The following NUDT3 variants were observed in gnomAD, a reference collection of about 807,000 sequenced individuals.
NUDT3 encodes the protein diphosphoinositol polyphosphate phosphohydrolase 1.
A neutral mutation model predicts 23.6 loss-of-function variants in NUDT3; 9 were observed. The ratio of observed to expected loss-of-function variants is 0.38; its 90% CI spans 0.23 to 0.66. The LOEUF (loss-of-function observed/expected upper bound fraction) is 0.66. Ranked by LOEUF, NUDT3 falls within the 30% of genes least tolerant of loss-of-function variation. The pLI, the probability that NUDT3 is intolerant of heterozygous loss-of-function variation, is 0.52. For missense variants in NUDT3, 172 were observed against 218.5 expected (o/e 0.79, Z 1.34); for synonymous variants, 86 against 82.6 (o/e 1.04, Z -0.22).
At chr6:34,312,978 C>T (rs536486108) in intron 2 of NUDT3, among the ~76,000 whole-genome samples, 2 of 151,888 alleles carry the variant, frequency 1.3e-5, no homozygotes, top group Admixed American at 6.6e-5. Context: ...ACCAGCCTGG[C>T]CAACATGGCG....
intron 2 of NUDT3, among the ~76,000 whole-genome samples, chr6:34,319,253 C>T (rs1300640970): frequency 2.0e-5 from 3 of 152,084 alleles, no homozygotes; most frequent in Non-Finnish European, 2.9e-5. Flanking sequence ...ATCTATCTAC[C>T]GGAAGACAGC....
intron 3 of NUDT3, among the ~76,000 whole-genome samples, chr6:34,294,537 G>A (rs931207709): frequency 6.6e-6 from 1 of 151,506 alleles, no homozygotes; most frequent in African/African-American, 2.4e-5. Flanking sequence ...GACCAGCCTG[G>A]CCAACATGGT....
chr6:34,344,988 T>C (rs1764342521), intron 1 of NUDT3, among the ~76,000 whole-genome samples: 1 of 152,060 alleles, frequency 6.6e-6, no homozygotes, highest in Admixed American at 6.6e-5. Context: ...GTATGTTACA[T>C]GAATTCCATT....
intron 1 of NUDT3, among the ~76,000 whole-genome samples, chr6:34,374,148 C>T (rs1476631854): frequency 5.1e-5 from 6 of 118,600 alleles, no homozygotes; most frequent in African/African-American, 1.4e-4. Flanking sequence ...CAGAACAAGG[C>T]TCCCTCTCAA....
chr6:34,390,617 T>C (rs967664322), intron 1 of NUDT3, among the ~76,000 whole-genome samples: 4 of 152,186 alleles, frequency 2.6e-5, no homozygotes, highest in African/African-American at 4.8e-5. Context: ...CTTGGTCTCC[T>C]GAAGTGCTAG....
intron 1 of NUDT3, among the ~76,000 whole-genome samples, 200 bp downstream of exon 1, chr6:34,392,064 C>T (rs1240264880): frequency 1.3e-5 from 2 of 152,192 alleles, no homozygotes; most frequent in Non-Finnish European, 2.9e-5. Flanking sequence ...CCTGTGCAGC[C>T]GCACTCAAAC....
chr6:34,340,662 G>T (rs1250221534), intron 2 of NUDT3, among the ~76,000 whole-genome samples: 1 of 152,124 alleles, frequency 6.6e-6, no homozygotes, highest in Non-Finnish European at 1.5e-5. Flanking sequence ...TCTATACTCT[G>T]ACAATTTCCA....
chr6:34,387,906 T>C (rs1258732756), intron 1 of NUDT3, among the ~76,000 whole-genome samples: 2 of 152,184 alleles, frequency 1.3e-5, no homozygotes, highest in Non-Finnish European at 2.9e-5. Context: ...GTTTCTGTAG[T>C]GTACAGTAAT....
chr6:34,374,031 C>T (rs927155164), intron 1 of NUDT3, among the ~76,000 whole-genome samples: 1 of 151,750 alleles, frequency 6.6e-6, no homozygotes, highest in African/African-American at 2.4e-5. Context: ...GTGGCATGCA[C>T]CTGTAGTCCC....
intron 1 of NUDT3, among the ~76,000 whole-genome samples, chr6:34,376,998 CA>C (rs1373919866): frequency 6.6e-6 from 1 of 152,152 alleles, no homozygotes; most frequent in Non-Finnish European, 1.5e-5. Flanking sequence ...CTTCTCCTAA[CA>C]TACTCTTTCC....
At chr6:34,290,326 G>A (rs1185905138) in intron 4 of NUDT3, among the ~76,000 whole-genome samples, 1 of 148,106 alleles carries the variant, frequency 6.8e-6, no homozygotes, top group African/African-American at 2.5e-5. Context: ...TCAAGCTCCC[G>A]AACACGAGGG....
At chr6:34,379,573 A>T (rs573641788) in intron 1 of NUDT3, among the ~76,000 whole-genome samples, 131 of 151,972 alleles carry the variant, frequency 8.6e-4, no homozygotes, top group African/African-American at 3.0e-3. Context: ...AAAAAAAAGT[A>T]ATCCACAGAA....
At chr6:34,362,497 A>G (rs1184036762) in intron 1 of NUDT3, among the ~76,000 whole-genome samples, 13 of 152,250 alleles carry the variant, frequency 8.5e-5, no homozygotes, top group East Asian at 1.9e-4. Flanking sequence ...ATATTTTTAA[A>G]TTATATGCTA....
chr6:34,366,712 A>T (rs1003130461), intron 1 of NUDT3, among the ~76,000 whole-genome samples: 1 of 151,472 alleles, frequency 6.6e-6, no homozygotes. Flanking sequence ...GTGTGCCACC[A>T]TATCTGGCTG....
intron 1 of NUDT3, among the ~76,000 whole-genome samples, chr6:34,363,342 C>T (rs903854079): frequency 6.6e-6 from 1 of 152,152 alleles, no homozygotes; most frequent in African/African-American, 2.4e-5. Context: ...CATTTAGTCA[C>T]TTTCACTCAA....
At chr6:34,310,475 G>A (rs1180566290) in intron 2 of NUDT3, among the ~76,000 whole-genome samples, 3 of 152,068 alleles carry the variant, frequency 2.0e-5, no homozygotes, top group Non-Finnish European at 4.4e-5. Flanking sequence ...GTTGCAGTGA[G>A]CTGAGATCAT....
chr6:34,295,427 C>T (rs1365648342), intron 3 of NUDT3, among the ~76,000 whole-genome samples: 5 of 151,884 alleles, frequency 3.3e-5, no homozygotes, highest in African/African-American at 1.2e-4. Flanking sequence ...GAGGCTGATG[C>T]AGAAGACTGC....
At chr6:34,388,070 A>C (rs556803485) in intron 1 of NUDT3, among the ~76,000 whole-genome samples, 24 of 152,154 alleles carry the variant, frequency 1.6e-4, no homozygotes, top group Admixed American at 6.6e-4. Flanking sequence ...TAGATACACA[A>C]ATACTACTGC....
intron 1 of NUDT3, among the ~76,000 whole-genome samples, chr6:34,372,718 C>T (rs997264876): frequency 2.6e-5 from 4 of 151,190 alleles, no homozygotes; most frequent in Non-Finnish European, 5.9e-5. Context: ...GCAGGAGAAT[C>T]GCTTGAACCC....
Sources: gnomAD v4.1 joint callset for allele counts (sites outside exome capture counted in the v4.1 genomes callset) on GRCh38, gnomAD v4.1.1 for gene constraint, MANE v1.5 for transcripts, NCBI Gene and HGNC (gene_info 2026-07-23, HGNC 2026-07-21) for gene names.